TMC1: variants seen among roughly 807,000 people sequenced by gnomAD.
TMC1 encodes the protein transmembrane channel like 1, also known as transmembrane channel-like protein 1.
A neutral mutation model predicts 105.8 loss-of-function variants in TMC1; 84 were observed. The ratio of observed to expected loss-of-function variants is 0.79; its 90% CI spans 0.67 to 0.95. The LOEUF (loss-of-function observed/expected upper bound fraction) is 0.95. Ranked by LOEUF, TMC1 falls within the 40% of genes least tolerant of loss-of-function variation. The probability of loss-of-function intolerance (pLI) is 0.00; values close to 1 mark genes in which losing one functional copy is unlikely to be tolerated. For synonymous variants in TMC1, 315 were observed against 311.5 expected (o/e 1.01, Z -0.12); for missense variants, 817 against 914.1 (o/e 0.89, Z 1.37).
At chr9:72,737,554 A>G (rs1422748285) in intron 8 of TMC1, among the ~76,000 whole-genome samples, 1 of 152,178 alleles carries the variant, frequency 6.6e-6, no homozygotes, top group Non-Finnish European at 1.5e-5. Context: ...TCAGACACTC[A>G]TGTATGTGGG....
chr9:72,717,420 A>T (rs1266247973), intron 8 of TMC1, among the ~76,000 whole-genome samples: 1 of 151,996 alleles, frequency 6.6e-6, no homozygotes, highest in Non-Finnish European at 1.5e-5. Context: ...CTCATGATTT[A>T]GAGATTCTGT....
intron 8 of TMC1, among the ~76,000 whole-genome samples, chr9:72,712,835 T>A (rs1357870904): frequency 6.6e-6 from 1 of 152,208 alleles, no homozygotes; most frequent in Admixed American, 6.5e-5. Context: ...AAGACATCCT[T>A]GTCTTATGCT....
intron 12 of TMC1, among the ~76,000 whole-genome samples, chr9:72,762,324 G>A (rs1827770164): frequency 6.6e-6 from 1 of 152,170 alleles, no homozygotes; most frequent in South Asian, 2.1e-4. Context: ...GTCCACTCTG[G>A]TGGGTCCAAG....
chr9:72,690,498 C>T lies in TMC1; in HGVS notation c.64+1742C>T, dbSNP rs532784148. ...TTTCAACTTGAAGAACTTCCTTTAG[C>T]ATTACTTGTAAGAAAAGTCTAGGGG... is the stretch of plus-strand genomic sequence containing the variant. On this transcript the variant is annotated intron_variant, in intron 6 of 23. Transcript: ENST00000297784. 5.9e-5 allele frequency among the ~76,000 whole-genome samples: 9 copies of T among 152,172 alleles called. No individual in the cohort carries two copies. In the South Asian group the frequency reaches 1.7e-3, roughly 28 times the overall value.
intron 17 of TMC1, among the ~76,000 whole-genome samples, chr9:72,803,241 T>C (rs1228430420): frequency 6.6e-6 from 1 of 152,180 alleles, no homozygotes; most frequent in Non-Finnish European, 1.5e-5. Flanking sequence ...TTAGGATGGA[T>C]TAAATGCTTA....
At chr9:72,598,544 T>G (rs144680853) in intron 2 of TMC1, among the ~76,000 whole-genome samples, 1 of 152,270 alleles carries the variant, frequency 6.6e-6, no homozygotes, top group Non-Finnish European at 1.5e-5. Flanking sequence ...CCCCAGAGGT[T>G]GCTGAAGAAT....
intron 12 of TMC1, among the ~76,000 whole-genome samples, chr9:72,761,650 C>T (rs944654974): frequency 6.6e-6 from 1 of 152,124 alleles, no homozygotes; most frequent in Non-Finnish European, 1.5e-5. Flanking sequence ...TTCTGCCCTG[C>T]CTGCCTCACA....
chr9:72,611,134 A>G (rs1825017480), intron 2 of TMC1, among the ~76,000 whole-genome samples: 1 of 152,198 alleles, frequency 6.6e-6, no homozygotes, highest in Non-Finnish European at 1.5e-5. Context: ...AATTCTACGT[A>G]TATTCCTTCA....
At chr9:72,678,543 T>A (rs1220646022) in intron 5 of TMC1, among the ~76,000 whole-genome samples, 1 of 152,042 alleles carries the variant, frequency 6.6e-6, no homozygotes, top group East Asian at 1.9e-4. Flanking sequence ...GTAATAACTA[T>A]CATATTATAT....
intron 2 of TMC1, among the ~76,000 whole-genome samples, chr9:72,582,788 A>G (rs1003198004): frequency 1.3e-5 from 2 of 152,238 alleles, no homozygotes; most frequent in South Asian, 4.1e-4. Context: ...TAATGATTAA[A>G]TGTAAGCTGT....
intron 19 of TMC1, among the ~76,000 whole-genome samples, chr9:72,819,197 A>G (rs1290157684): frequency 6.6e-6 from 1 of 152,204 alleles, no homozygotes; most frequent in Non-Finnish European, 1.5e-5. Context: ...CATTGCTATC[A>G]CACTAGCAGA....
intron 12 of TMC1, among the ~76,000 whole-genome samples, chr9:72,769,522 G>T (rs1265371238): frequency 6.6e-6 from 1 of 152,164 alleles, no homozygotes; most frequent in Non-Finnish European, 1.5e-5. Context: ...CTCCATCCAT[G>T]CTCTACTGTC....
intron 8 of TMC1, among the ~76,000 whole-genome samples, chr9:72,714,460 C>T (rs1387812584): frequency 6.6e-6 from 1 of 152,146 alleles, no homozygotes; most frequent in African/African-American, 2.4e-5. Context: ...GTATTGGGTG[C>T]ATATATATTT....
chr9:72,793,228 A>AC (rs1231798343), intron 17 of TMC1, among the ~76,000 whole-genome samples: 6 of 151,864 alleles, frequency 4.0e-5, no homozygotes, highest in South Asian at 2.1e-4. Context: ...AGGAGGTTAG[A>AC]CCCCCAACCA....
At chr9:72,697,618 A>G (rs1421893777) in intron 7 of TMC1, among the ~76,000 whole-genome samples, 1 of 152,126 alleles carries the variant, frequency 6.6e-6, no homozygotes, top group Non-Finnish European at 1.5e-5. Context: ...GTTGGCCTGT[A>G]GGTTTAGTTA....
Position 72,792,020 on chromosome 9 carries a change from T to C in TMC1, c.1359T>C (p.Asn453=), listed in dbSNP as rs761629265. 2 of 1,614,108 alleles carry C rather than the reference T, an allele frequency of 1.2e-6. No individual in the cohort carries two copies. The highest frequency in any genetic ancestry group is 4.5e-5 in the East Asian group (2 of 44,874). The change falls in exon 16 of 24, where the codon AAT becomes AAC. Residue 453 remains asparagine (N), a synonymous_variant. Coordinates refer to ENST00000297784, the MANE Select transcript of TMC1 (RefSeq NM_138691.3). ...GCATTTTTGCTCTTCTTTTAGGCAA[T>C]TTATACGTATTTATTCTTGCATTAA... ...LGRIFALLLG[N]LYVFILALMD... is the part of the protein sequence containing the mutation.
rs1222130340 is a variant in TMC1 at position 72,694,637 on chromosome 9, C to T, written c.159C>T (p.Asp53=). The T allele has an allele frequency of 1.2e-6, 2 of 1,612,620 alleles. No individual in the cohort carries two copies. The highest frequency in any genetic ancestry group is 1.7e-6 in the Non-Finnish European group (2 of 1,179,408). Residue 53 remains aspartate, a synonymous_variant, in exon 7 of 24, where the codon GAC becomes GAT. Transcript: ENST00000297784. Reference sequence around the variant, plus strand: ...CCAGAGATGTTATCAATGAGGATGACCCAGAACCTGAACCAGAGGATGAAG... The same window carrying T: ...CCAGAGATGTTATCAATGAGGATGATCCAGAACCTGAACCAGAGGATGAAG... ...KRTRDVINED[D]PEPEPEDEET...
chr9:72,634,913 C>T lies in TMC1; in HGVS notation c.-53+6850C>T, dbSNP rs369892657. Among the ~76,000 whole-genome samples the T allele has an allele frequency of 5.3e-5, 8 of 152,302 alleles. No individual in the cohort carries two copies. In the East Asian group the frequency reaches 1.2e-3, roughly 22 times the overall value. ...TGAAGCTTCCGTGCATTCTTGGGCTCATCACCCTCTCAGCACCTCCATGTG... is the reference window on the plus strand; with the variant it reads ...TGAAGCTTCCGTGCATTCTTGGGCTTATCACCCTCTCAGCACCTCCATGTG... On this transcript the variant is annotated intron_variant, in intron 4 of 23. Coordinates refer to ENST00000297784, the MANE Select transcript of TMC1 (RefSeq NM_138691.3).
At chr9:72,601,411 A>G (rs936987322) in intron 2 of TMC1, among the ~76,000 whole-genome samples, 1 of 152,128 alleles carries the variant, frequency 6.6e-6, no homozygotes, top group Non-Finnish European at 1.5e-5. Flanking sequence ...TGGGAGGCTG[A>G]GGCAGGTGGA....
Sources: allele counts gnomAD v4.1 joint callset (sites outside exome capture counted in the v4.1 genomes callset), GRCh38; gene constraint gnomAD v4.1.1; transcripts MANE v1.5; gene names NCBI Gene and HGNC (gene_info 2026-07-23, HGNC 2026-07-21).